SPPL3: variants seen among roughly 807,000 people sequenced by gnomAD.
SPPL3 encodes the protein signal peptide peptidase like 3.
SPPL3 carries 5 observed loss-of-function variants against 42.4 expected under a neutral mutation model. The observed-to-expected ratio is 0.12, with a 90% CI of 0.06 to 0.25. The LOEUF (loss-of-function observed/expected upper bound fraction) is 0.25. SPPL3 is among the 10% of genes least tolerant of loss of function. The pLI is 1.00. For synonymous variants in SPPL3, 195 were observed against 181.8 expected (o/e 1.07, Z -0.58); for missense variants, 235 against 489.0 (o/e 0.48, Z 4.90).
chr12:120,890,004 G>A (rs1873584284), intron 1 of SPPL3, among the ~76,000 whole-genome samples: 5 of 152,102 alleles, frequency 3.3e-5, no homozygotes, highest in Admixed American at 3.3e-4. Context: ...CCAGCACTTT[G>A]GGAGGCCAAC....
chr12:120,872,935 G>C (rs532730273), intron 1 of SPPL3, among the ~76,000 whole-genome samples: 3 of 152,204 alleles, frequency 2.0e-5, no homozygotes, highest in South Asian at 2.1e-4. Context: ...AGCAAATCCA[G>C]TGTTCAGCAA....
intron 1 of SPPL3, among the ~76,000 whole-genome samples, chr12:120,818,572 C>T (rs1484914007): frequency 1.3e-5 from 2 of 152,206 alleles, no homozygotes; most frequent in Non-Finnish European, 2.9e-5. Flanking sequence ...AACTGAGACA[C>T]AGAGAGTACT....
intron 6 of SPPL3, among the ~76,000 whole-genome samples, chr12:120,777,335 T>G (rs1869358111): frequency 6.6e-6 from 1 of 152,206 alleles, no homozygotes; most frequent in Non-Finnish European, 1.5e-5. Context: ...CCCCAATAAT[T>G]ATCATGATCA....
intron 1 of SPPL3, among the ~76,000 whole-genome samples, chr12:120,820,503 A>G (rs1871030963): frequency 6.6e-6 from 1 of 151,852 alleles, no homozygotes; most frequent in South Asian, 2.1e-4. Flanking sequence ...TTTTTAGTAG[A>G]GACGGGGTTT....
intron 1 of SPPL3, among the ~76,000 whole-genome samples, chr12:120,871,864 C>G (rs1352019021): frequency 3.3e-5 from 5 of 152,150 alleles, no homozygotes. Context: ...AATGTAAATG[C>G]TATATAAATA....
At chr12:120,868,626 C>T (rs1230933463) in intron 1 of SPPL3, among the ~76,000 whole-genome samples, 4 of 152,056 alleles carry the variant, frequency 2.6e-5, no homozygotes, top group Admixed American at 6.6e-5. Context: ...GGACTACAGG[C>T]GCATGCCACC....
rs59475865 is a variant in SPPL3, at chr12:120,818,091, C to A, written c.24-7205G>T. Among the ~76,000 whole-genome samples, 345 of 152,298 alleles carry A rather than the reference C, an allele frequency of 2.3e-3. 1 individual carries two copies. Among genetic ancestry groups the A allele is most frequent in the African/African-American group, 7.9e-3 (327 of 41,556 alleles). On this transcript the variant is annotated intron_variant, in intron 1 of 10. Transcript: ENST00000353487. The stretch of plus-strand genomic sequence containing the variant: ...ATTTCAGACTCTACCAAAGCATCAA[C>A]AGAAATGTGTCATTCTTCAGGCCCT...
Position 120,792,696 on chromosome 12 carries a change from CAAAAAAA to C in SPPL3, c.102-1146_102-1140del, listed in dbSNP as rs57603403. Among the ~76,000 whole-genome samples, 5 of 71,770 alleles carry C rather than the reference CAAAAAAA, an allele frequency of 7.0e-5. 1 individual carries two copies. Among genetic ancestry groups the C allele is most frequent in the Non-Finnish European group, 9.0e-5 (3 of 33,292 alleles). 47.1% of individuals were successfully genotyped at this position (71,770 alleles called of 152,430 possible). ...GCCTGGCAACAGAGTGAGACTGTCT[CAAAAAAA>C]AAAAAAAAAAAAAAAAGTTGTTTTT... On this transcript the variant is annotated intron_variant, in intron 2 of 10. Coordinates refer to ENST00000353487, the MANE Select transcript of SPPL3 (RefSeq NM_139015.5).
chr12:120,827,236 T>C (rs1327510171), intron 1 of SPPL3, among the ~76,000 whole-genome samples: 2 of 151,814 alleles, frequency 1.3e-5, no homozygotes, highest in African/African-American at 2.4e-5. Context: ...AACAGGGAAG[T>C]AGTTCTTTAA....
intron 1 of SPPL3, among the ~76,000 whole-genome samples, chr12:120,840,441 AAC>A (rs1240598524): frequency 1.4e-4 from 21 of 152,150 alleles, no homozygotes; most frequent in Non-Finnish European, 3.1e-4. Flanking sequence ...CGAGTAGATT[AAC>A]AGTTACTTAG....
At chr12:120,772,658 G>A (rs1172585064) in intron 6 of SPPL3, among the ~76,000 whole-genome samples, 1 of 152,124 alleles carries the variant, frequency 6.6e-6, no homozygotes, top group Non-Finnish European at 1.5e-5. Flanking sequence ...GTAATAAAGT[G>A]GATAAATACA....
At chr12:120,895,299 C>T (rs1235007002) in intron 1 of SPPL3, among the ~76,000 whole-genome samples, 2 of 151,634 alleles carry the variant, frequency 1.3e-5, no homozygotes, top group Non-Finnish European at 2.9e-5. Flanking sequence ...TATTGGCGCG[C>T]AGCTATAAAC....
intron 2 of SPPL3, among the ~76,000 whole-genome samples, chr12:120,793,247 C>T (rs991942683): frequency 7.9e-5 from 12 of 152,172 alleles, no homozygotes; most frequent in East Asian, 3.8e-4. Flanking sequence ...CGGTGGCTCA[C>T]GCCTGGAATC....
At chr12:120,796,382 A>C (rs1193099375) in intron 2 of SPPL3, among the ~76,000 whole-genome samples, 1 of 152,110 alleles carries the variant, frequency 6.6e-6, no homozygotes, top group Non-Finnish European at 1.5e-5. Flanking sequence ...TCAAAAATAA[A>C]ATAAAAATAA....
intron 1 of SPPL3, among the ~76,000 whole-genome samples, chr12:120,852,724 A>ATATG (rs1566060841): frequency 0.059 from 3,031 of 51,076 alleles, 293 homozygotes; most frequent in Non-Finnish European, 0.099. Context: ...TATATTTTAT[A>ATATG]TATAATATAC....
chr12:120,891,995 A>G (rs1465057353), intron 1 of SPPL3, among the ~76,000 whole-genome samples: 2 of 152,156 alleles, frequency 1.3e-5, no homozygotes, highest in African/African-American at 4.8e-5. Flanking sequence ...TTGTCAGGAT[A>G]TTAGAAAGTT....
In SPPL3 at chr12:120,840,595, C is replaced by T. The variant is rs117208872; in HGVS notation, c.24-29709G>A. Among the ~76,000 whole-genome samples the T allele has an allele frequency of 2.2e-3, 331 of 151,898 alleles. 9 individuals carry two copies. In the East Asian group the frequency reaches 0.05, roughly 23 times the overall value. ...AGATGCGGTGGCAGCACTTTGGGAG[C>T]CCGAGGCAGGTAGATCGATTGAGCT... On this transcript the variant is annotated intron_variant, in intron 1 of 10. Transcript: ENST00000353487.
intron 1 of SPPL3, among the ~76,000 whole-genome samples, chr12:120,890,134 A>C (rs1873589157): frequency 6.6e-6 from 1 of 152,024 alleles, no homozygotes; most frequent in African/African-American, 2.4e-5. Flanking sequence ...TGTAATCCCA[A>C]CTATTGGGGA....
intron 2 of SPPL3, among the ~76,000 whole-genome samples, chr12:120,794,740 G>T (rs1469435014): frequency 6.6e-6 from 1 of 152,148 alleles, no homozygotes; most frequent in Non-Finnish European, 1.5e-5. Context: ...CATTGAATGT[G>T]ATCAGTGATA....
Sources: gnomAD v4.1 joint callset for allele counts (sites outside exome capture counted in the v4.1 genomes callset) on GRCh38, gnomAD v4.1.1 for gene constraint, MANE v1.5 for transcripts, NCBI Gene and HGNC (gene_info 2026-07-23, HGNC 2026-07-21) for gene names.